DGKI: variants seen among roughly 807,000 people sequenced by gnomAD.
The protein encoded by DGKI is DAG kinase iota.
Under a neutral mutation model 147.5 loss-of-function variants are expected in DGKI, and 55 were observed. The observed-to-expected ratio is 0.37, with a 90% CI of 0.30 to 0.47. DGKI has a LOEUF of 0.47. Ranked by LOEUF, DGKI falls within the 20% of genes least tolerant of loss-of-function variation. The pLI is 1.00. For synonymous variants in DGKI, 469 were observed against 477.1 expected (o/e 0.98, Z 0.22); for missense variants, 1,007 against 1,323.8 (o/e 0.76, Z 3.71).
chr7:137,523,030 A>G (rs778934667), intron 20 of DGKI, among the ~76,000 whole-genome samples: 14 of 152,024 alleles, frequency 9.2e-5, no homozygotes, highest in Non-Finnish European at 1.9e-4. Context: ...GTAAAGGAGG[A>G]AAAGGAAGGA....
Position 137,436,685 on chromosome 7 carries a change from A to G in DGKI, c.2761+7392T>C, listed in dbSNP as rs570449985. On this transcript the variant is annotated intron_variant, in intron 28 of 32. Coordinates refer to ENST00000614521, the MANE Select transcript of DGKI (RefSeq NM_001321708.2). ...ATTTTAAGCTATGAATATCATATAC[A>G]TACTACATAATAGAAAGCAAAATTA... Among the ~76,000 whole-genome samples, 7 of 152,334 alleles carry G rather than the reference A, an allele frequency of 4.6e-5. No individual in the cohort carries two copies. The South Asian group carries it at 8.3e-4, about 18-fold the overall frequency.
chr7:137,489,992 T>G (rs2128937456), intron 21 of DGKI, among the ~76,000 whole-genome samples: 1 of 152,272 alleles, frequency 6.6e-6, no homozygotes, highest in Middle Eastern at 3.4e-3. Context: ...TTTTCAAACA[T>G]GTGTCATTCA....
chr7:137,690,094 A>C, intron 1 of DGKI, 92 bp from the exon 2 acceptor site: 2 of 826,256 alleles, frequency 2.4e-6, no homozygotes, highest in East Asian at 2.8e-5. Context: ...GGTAGAAACA[A>C]TGCCTGAGTT....
chr7:137,538,886 C>A (rs76964687), intron 20 of DGKI, among the ~76,000 whole-genome samples: 3,285 of 152,254 alleles, frequency 0.022, 139 homozygotes, highest in East Asian at 0.11. Context: ...ACTCCCCAAT[C>A]CCTCTCTCTC....
chr7:137,805,526 T>C (rs1162201938), intron 1 of DGKI, among the ~76,000 whole-genome samples: 1 of 152,174 alleles, frequency 6.6e-6, no homozygotes, highest in African/African-American at 2.4e-5. Context: ...AGACGTGACA[T>C]AGTCATTGTG....
chr7:137,466,127 G>T, intron 25 of DGKI, 92 bp from the exon 26 acceptor site: 1 of 1,457,488 alleles, frequency 6.9e-7, no homozygotes, highest in Non-Finnish European at 9.5e-7. Context: ...CGTGTCAAAG[G>T]ATCACACTGT....
intron 6 of DGKI, among the ~76,000 whole-genome samples, chr7:137,632,181 C>T (rs1347971822): frequency 6.6e-6 from 1 of 152,136 alleles, no homozygotes; most frequent in Non-Finnish European, 1.5e-5. Context: ...GATGGATTAT[C>T]GGATAAAAGA....
chr7:137,404,812 C>T (rs187014899), intron 30 of DGKI, among the ~76,000 whole-genome samples: 53 of 132,966 alleles, frequency 4.0e-4, no homozygotes, highest in Non-Finnish European at 6.5e-4. Flanking sequence ...TCCATTTGGG[C>T]GGAGTGGTAT....
At chr7:137,413,150 C>T (rs1166516536) in intron 28 of DGKI, among the ~76,000 whole-genome samples, 1 of 151,784 alleles carries the variant, frequency 6.6e-6, no homozygotes, top group Non-Finnish European at 1.5e-5. Context: ...ACCTGTAATC[C>T]CAGCTACTCG....
At chr7:137,454,703 GAAGA>G (rs1814116359) in intron 27 of DGKI, 1 of 152,096 alleles carries the variant, frequency 6.6e-6, no homozygotes, top group African/African-American at 2.4e-5. Flanking sequence ...AAAAAAGGGT[GAAGA>G]AATAGAAAAG....
intron 3 of DGKI, among the ~76,000 whole-genome samples, chr7:137,660,404 G>A (rs540609004): frequency 2.0e-5 from 3 of 152,328 alleles, no homozygotes; most frequent in Admixed American, 2.0e-4. Context: ...CCATACAGTG[G>A]TTATAAGAGA....
chr7:137,401,601 A>G (rs968795345), intron 30 of DGKI, among the ~76,000 whole-genome samples: 1 of 152,176 alleles, frequency 6.6e-6, no homozygotes, highest in African/African-American at 2.4e-5. Flanking sequence ...CTTGTTTTAT[A>G]TACACATACG....
intron 1 of DGKI, among the ~76,000 whole-genome samples, chr7:137,808,638 C>G (rs942793110): frequency 6.6e-6 from 1 of 152,052 alleles, no homozygotes; most frequent in South Asian, 2.1e-4. Flanking sequence ...TAATGTAGGT[C>G]AATGCAACAT....
intron 28 of DGKI, among the ~76,000 whole-genome samples, chr7:137,430,829 T>C (rs1200700514): frequency 1.3e-5 from 2 of 152,002 alleles, no homozygotes; most frequent in African/African-American, 4.8e-5. Flanking sequence ...ACCTCTAAAA[T>C]AGGGTCAGGG....
intron 1 of DGKI, among the ~76,000 whole-genome samples, chr7:137,755,988 A>G (rs1389233902): frequency 6.6e-6 from 1 of 152,196 alleles, no homozygotes; most frequent in Non-Finnish European, 1.5e-5. Flanking sequence ...AGTTCTTAGG[A>G]GAGGTATATT....
intron 1 of DGKI, among the ~76,000 whole-genome samples, chr7:137,721,832 G>A (rs1020099084): frequency 6.6e-6 from 1 of 152,052 alleles, no homozygotes; most frequent in African/African-American, 2.4e-5. Flanking sequence ...GTCTTTCATG[G>A]AACTGGCAAT....
rs140285827 is a variant in DGKI, at chr7:137,843,578, G to C, written c.401+2884C>G. 1.9e-3 allele frequency: 463 copies of C among 240,246 alleles called. 1 individual carries two copies. Among genetic ancestry groups the C allele is most frequent in the Middle Eastern group, 0.011 (5 of 468 alleles). 14.9% of individuals were successfully genotyped at this position (240,246 alleles called of 1,614,324 possible). A position where few individuals can be genotyped will look rare whatever the true frequency, so the allele number is the denominator to read the frequency against. On this transcript the variant is annotated intron_variant, in intron 1 of 32. Coordinates refer to ENST00000614521, the MANE Select transcript of DGKI (RefSeq NM_001321708.2). Reference sequence around the variant, plus strand: ...AAAGCAGTTTATTTTACTTAACAAAGTAAAAGTCAAGCAAAATGAATAATC... The same window carrying C: ...AAAGCAGTTTATTTTACTTAACAAACTAAAAGTCAAGCAAAATGAATAATC...
At chr7:137,429,947 C>G (rs1812993046) in intron 28 of DGKI, among the ~76,000 whole-genome samples, 1 of 111,128 alleles carries the variant, frequency 9.0e-6, no homozygotes, top group Non-Finnish European at 1.8e-5. Flanking sequence ...CACTTTTACA[C>G]TGTTGGTGGG....
At chr7:137,664,413 A>C (rs144945102) in intron 3 of DGKI, among the ~76,000 whole-genome samples, 1 of 151,614 alleles carries the variant, frequency 6.6e-6, no homozygotes, top group Admixed American at 6.6e-5. Context: ...GAAAGAAAGA[A>C]AAAAAAGGAA....
Sources: gnomAD v4.1 joint callset for allele counts (sites outside exome capture counted in the v4.1 genomes callset) on GRCh38, gnomAD v4.1.1 for gene constraint, MANE v1.5 for transcripts, NCBI Gene and HGNC (gene_info 2026-07-23, HGNC 2026-07-21) for gene names.